Variants in CAPN5 observed in about 807,000 individuals in gnomAD.
The protein encoded by CAPN5 is calpain-5.
A neutral mutation model predicts 73.0 loss-of-function variants in CAPN5; 54 were observed. That is an observed-to-expected ratio of 0.74 (90% CI 0.59 to 0.93). The LOEUF is 0.93. CAPN5 is among the 40% of genes least tolerant of loss of function. The probability of loss-of-function intolerance (pLI) is 0.00; values close to 1 mark genes in which losing one functional copy is unlikely to be tolerated. For synonymous variants in CAPN5, 335 were observed against 356.9 expected (o/e 0.94, Z 0.69); for missense variants, 785 against 882.9 (o/e 0.89, Z 1.41).
At chr11:77,077,371 TAAA>T (rs1392507003) in intron 1 of CAPN5, among the ~76,000 whole-genome samples, 1 of 151,970 alleles carries the variant, frequency 6.6e-6, no homozygotes, top group Non-Finnish European at 1.5e-5. Flanking sequence ...AAAAAGATTT[TAAA>T]AAAGTCTTTT....
intron 1 of CAPN5, among the ~76,000 whole-genome samples, chr11:77,078,220 C>A (rs1555034165): frequency 6.6e-6 from 1 of 152,112 alleles, no homozygotes; most frequent in African/African-American, 2.4e-5. Flanking sequence ...AGTCTTTAGT[C>A]CGTTTGAGTC....
chr11:77,088,142 G>T (rs924312668), intron 2 of CAPN5: 2 of 1,428,146 alleles, frequency 1.4e-6, no homozygotes, highest in South Asian at 2.9e-5. Flanking sequence ...GTATGAGCCT[G>T]GAGGTCCTTT....
rs1950458550 is a variant in CAPN5, at chr11:77,115,551, T to G, written c.856T>G (p.Trp286Gly). 2 of 1,612,560 alleles carry G rather than the reference T, an allele frequency of 1.2e-6. No individual in the cohort carries two copies. The highest frequency in any genetic ancestry group is 2.7e-5 in the African/African-American group (2 of 74,890). Reference protein sequence around the residue: ...KLDMIRLRNPWGEREWNGPWS... With the variant: ...KLDMIRLRNPGGEREWNGPWS... ...GGACATGATCCGCCTGCGCAACCCC[T>G]GGGGCGAGCGGGAGTGGAACGGGCC... is the stretch of plus-strand genomic sequence containing the variant. Residue 286 changes from tryptophan (W) to glycine (G), a missense_variant, in exon 6 of 13, where the codon TGG (tryptophan) becomes GGG (glycine). Trp to Gly is a radical substitution (Grantham distance 184, BLOSUM62 -2). Transcript: ENST00000648180.
chr11:77,078,353 T>C (rs1177947053), intron 1 of CAPN5, among the ~76,000 whole-genome samples: 1 of 152,234 alleles, frequency 6.6e-6, no homozygotes, highest in African/African-American at 2.4e-5. Flanking sequence ...GGTACTTTTG[T>C]TGAAAATTAA....
At position 77,123,699 on chromosome 11, in the gene CAPN5, C is replaced by T; in HGVS notation, c.1752C>T (p.His584=). 7 of 1,613,600 alleles carry T rather than the reference C, an allele frequency of 4.3e-6. No homozygotes were observed. Among genetic ancestry groups the T allele is most frequent in the Non-Finnish European group, 5.1e-6 (6 of 1,179,784 alleles). Residue 584 remains histidine (H), a synonymous_variant, in exon 13 of 13, where the codon CAC becomes CAT. Coordinates refer to ENST00000648180, the MANE Select transcript of CAPN5 (RefSeq NM_004055.5). ...CTGTCTCTTCCCAGGTCTGGAACCA[C>T]CGAGTGCTGAAGGATGAATTTCTGG... is the stretch of plus-strand genomic sequence containing the variant. ...SQPITVQVWN[H]RVLKDEFLGQ...
intron 3 of CAPN5, 126 bp downstream of exon 3, chr11:77,093,939 G>T: frequency 1.4e-6 from 2 of 1,404,186 alleles, no homozygotes; most frequent in South Asian, 2.7e-5. Context: ...CAGGGATGGG[G>T]TGGGGGCCCC....
At chr11:77,105,818 T>C (rs1333305925) in intron 3 of CAPN5, among the ~76,000 whole-genome samples, 3 of 152,228 alleles carry the variant, frequency 2.0e-5, no homozygotes, top group Non-Finnish European at 4.4e-5. Context: ...TGATCCTTCC[T>C]CACAGCTCTG....
Position 77,116,280 on chromosome 11 carries a change from C to T in CAPN5, c.948C>T (p.Thr316=), listed in dbSNP as rs781870816. 7 of 1,613,456 alleles carry T rather than the reference C, an allele frequency of 4.3e-6. No homozygotes were observed. Among genetic ancestry groups the T allele is most frequent in the East Asian group, 2.2e-5 (1 of 44,882 alleles). Residue 316 remains threonine (T), a synonymous_variant, in exon 7 of 13, where the codon ACC becomes ACT. Coordinates refer to ENST00000648180, the MANE Select transcript of CAPN5 (RefSeq NM_004055.5). ...SKSEREKMGV[T]VQDDGEFWMT... is the part of the protein sequence containing the mutation. ...GTGAGCGGGAGAAGATGGGTGTGAC[C>T]GTGCAGGACGACGGTGAGTTCTGGT...
intron 1 of CAPN5, chr11:77,071,606 A>T (rs1418714163): frequency 3.5e-5 from 16 of 453,500 alleles, no homozygotes; most frequent in African/African-American, 3.0e-4. Flanking sequence ...CCTTTATTTT[A>T]CAGATGAGAA....
chr11:77,087,431 G>A (rs184358323), intron 2 of CAPN5, among the ~76,000 whole-genome samples: 10 of 152,290 alleles, frequency 6.6e-5, no homozygotes, highest in Non-Finnish European at 1.3e-4. Flanking sequence ...CTGCATGCCC[G>A]TCCATCCCCT....
chr11:77,101,832 C>G (rs898309280), intron 3 of CAPN5, among the ~76,000 whole-genome samples: 12 of 152,078 alleles, frequency 7.9e-5, no homozygotes, highest in African/African-American at 2.9e-4. Flanking sequence ...GCTTCTGGTT[C>G]CGCCCCGGGC....
At chr11:77,113,570 G>GGA (rs1347584889) in intron 4 of CAPN5, among the ~76,000 whole-genome samples, 2 of 152,086 alleles carry the variant, frequency 1.3e-5, no homozygotes, top group Non-Finnish European at 2.9e-5. Flanking sequence ...GCAGGAGCAA[G>GGA]GAGAGAGAGA....
chr11:77,095,270 C>A (rs1215749552), intron 3 of CAPN5, among the ~76,000 whole-genome samples: 2 of 152,196 alleles, frequency 1.3e-5, no homozygotes, highest in Non-Finnish European at 2.9e-5. Context: ...TCCTCACTCT[C>A]CAGCTTCCAG....
chr11:77,082,047 G>A (rs1950033430), intron 1 of CAPN5, among the ~76,000 whole-genome samples: 1 of 152,126 alleles, frequency 6.6e-6, no homozygotes, highest in South Asian at 2.1e-4. Flanking sequence ...CCCTCCCCTG[G>A]AGGGGCACAG....
At chr11:77,112,007 T>G (rs1362050265) in intron 3 of CAPN5, among the ~76,000 whole-genome samples, 1 of 152,046 alleles carries the variant, frequency 6.6e-6, no homozygotes, top group Non-Finnish European at 1.5e-5. Flanking sequence ...TGTGTCTTAT[T>G]TTCTAGGGAA....
intron 4 of CAPN5, 65 bp from the exon 5 acceptor site, chr11:77,114,177 T>C (rs943787171): frequency 6.7e-7 from 1 of 1,491,766 alleles, no homozygotes. Flanking sequence ...ACCTCCCCTA[T>C]GAGGTAAAGG....
chr11:77,085,820 G>A (rs1950079816), intron 2 of CAPN5, among the ~76,000 whole-genome samples: 1 of 152,144 alleles, frequency 6.6e-6, no homozygotes, highest in Non-Finnish European at 1.5e-5. Context: ...GGTGGCCTGG[G>A]TGGAGGGGAG....
rs1950533642 is a variant in CAPN5, at chr11:77,122,626, G to T, written c.1654G>T (p.Ala552Ser). The change falls in exon 12 of 13, where the codon GCT becomes TCT. Residue 552 changes from alanine to serine, a missense_variant. Ala to Ser is a moderately conservative substitution (Grantham distance 99, BLOSUM62 1). Coordinates refer to ENST00000648180, the MANE Select transcript of CAPN5 (RefSeq NM_004055.5). ...GTGTGAGGGAGACAAAGTCCGCTCG[G>T]CTGTGCAGAAGGGCACCTCCACACC... ...IKCEGDKVRS[A>S]VQKGTSTPEY... 4 of 1,613,824 alleles carry T rather than the reference G, an allele frequency of 2.5e-6. No individual in the cohort carries two copies. In the Middle Eastern group the frequency reaches 5.0e-4, roughly 200 times the overall value.
intron 3 of CAPN5, among the ~76,000 whole-genome samples, chr11:77,108,749 C>A (rs868965910): frequency 6.7e-6 from 1 of 149,846 alleles, no homozygotes; most frequent in Non-Finnish European, 1.5e-5. Context: ...AAAAAAAAAA[C>A]CATAATACCA....
Sources: gnomAD v4.1 joint callset for allele counts (sites outside exome capture counted in the v4.1 genomes callset) on GRCh38, gnomAD v4.1.1 for gene constraint, MANE v1.5 for transcripts, NCBI Gene and HGNC (gene_info 2026-07-23, HGNC 2026-07-21) for gene names.